MBTD1: variants seen among roughly 807,000 people sequenced by gnomAD.
MBTD1 encodes MBT domain-containing protein 1.
MBTD1 carries 24 observed loss-of-function variants against 87.8 expected under a neutral mutation model. The ratio of observed to expected loss-of-function variants is 0.27; its 90% CI spans 0.20 to 0.38. The LOEUF is 0.38. Among genes scored for constraint, MBTD1 ranks in the 10% least tolerant of loss-of-function variants. The pLI, the probability that MBTD1 is intolerant of heterozygous loss-of-function variation, is 1.00. For missense variants in MBTD1, 436 were observed against 760.2 expected (o/e 0.57, Z 5.02); for synonymous variants, 237 against 248.6 (o/e 0.95, Z 0.44).
At chr17:51,181,400 A>G (rs950205627) in intron 16 of MBTD1, among the ~76,000 whole-genome samples, 1 of 151,848 alleles carries the variant, frequency 6.6e-6, no homozygotes. Flanking sequence ...ACATTAAAAA[A>G]TTATAAATTA....
intron 7 of MBTD1, 115 bp downstream of exon 7, chr17:51,206,773 T>C: frequency 2.9e-6 from 2 of 683,228 alleles, no homozygotes; most frequent in Non-Finnish European, 2.5e-6. Context: ...CCCTGCCCTA[T>C]ATCATAACAT....
intron 2 of MBTD1, among the ~76,000 whole-genome samples, chr17:51,232,292 AC>A (rs1385946180): frequency 6.6e-6 from 1 of 152,108 alleles, no homozygotes; most frequent in African/African-American, 2.4e-5. Context: ...TAAGTCACCT[AC>A]CATTCAGGCC....
chr17:51,187,491 CA>C (rs1041554490), intron 16 of MBTD1, among the ~76,000 whole-genome samples: 1 of 150,854 alleles, frequency 6.6e-6, no homozygotes, highest in Non-Finnish European at 1.5e-5. Context: ...TTTTGCCAAC[CA>C]AAAAAAATAC....
chr17:51,222,400 G>A (rs1862496240), intron 3 of MBTD1, among the ~76,000 whole-genome samples: 1 of 150,864 alleles, frequency 6.6e-6, no homozygotes. Flanking sequence ...TAGTTTTTTT[G>A]TTTTGTTTTG....
rs2050154188 is a variant in MBTD1, at chr17:51,177,602, T to A, written c.*2974A>T. The A allele has an allele frequency of 6.6e-6, 1 of 152,154 alleles. No individual in the cohort carries two copies. Among genetic ancestry groups the A allele is most frequent in the African/African-American group, 2.4e-5 (1 of 41,444 alleles). The allele number at this position is 152,154 out of a possible 1,614,324, so 9.4% of individuals were successfully genotyped here. The stretch of plus-strand genomic sequence containing the variant: ...ATTTTTCACGCCATTATATATACAC[T>A]TCATGAGAAAGTTTCAAACACTTTC... On this transcript the variant is annotated 3_prime_UTR_variant, in exon 17 of 17. Coordinates refer to ENST00000586178, the MANE Select transcript of MBTD1 (RefSeq NM_017643.3).
intron 2 of MBTD1, among the ~76,000 whole-genome samples, chr17:51,236,772 G>A (rs1300327477): frequency 1.3e-5 from 2 of 150,650 alleles, no homozygotes; most frequent in Non-Finnish European, 1.5e-5. Context: ...ATTTAGTGGA[G>A]AAAAAAAAAA....
rs191148012 is a variant in MBTD1, at chr17:51,205,482, T to G, written c.604+1406A>C. 2.0e-5 allele frequency among the ~76,000 whole-genome samples: 3 copies of G among 152,248 alleles called. No homozygotes were observed. The East Asian group carries it at 5.8e-4, about 29-fold the overall frequency. On this transcript the variant is annotated intron_variant, in intron 7 of 16. Transcript: ENST00000586178. ...AATATGCTGTTGTTTTAAATTACAG[T>G]GTAGAGAATAATACAAGCATTTAGT...
chr17:51,233,938 T>G (rs1001250033), intron 2 of MBTD1, among the ~76,000 whole-genome samples: 1 of 149,884 alleles, frequency 6.7e-6, no homozygotes, highest in Non-Finnish European at 1.5e-5. Context: ...AAATCTATAC[T>G]CAAAGCTCCA....
intron 16 of MBTD1, chr17:51,185,786 A>G (rs147910694): frequency 5.3e-5 from 8 of 152,356 alleles, no homozygotes; most frequent in African/African-American, 1.7e-4. Flanking sequence ...ACTTGACATT[A>G]TAACTACCCT....
chr17:51,228,638 C>T (rs1210488182), intron 2 of MBTD1, among the ~76,000 whole-genome samples: 6 of 149,954 alleles, frequency 4.0e-5, no homozygotes, highest in Admixed American at 6.6e-5. Context: ...AGGCTGGGCG[C>T]GGTGGGTCAC....
At chr17:51,215,158 G>C (rs139412888) in intron 6 of MBTD1, among the ~76,000 whole-genome samples, 178 of 152,300 alleles carry the variant, frequency 1.2e-3, no homozygotes, top group African/African-American at 4.0e-3. Context: ...CCACATAATT[G>C]AGAAACAGAT....
At chr17:51,207,991 A>G (rs957929520) in intron 6 of MBTD1, among the ~76,000 whole-genome samples, 4 of 152,248 alleles carry the variant, frequency 2.6e-5, no homozygotes, top group African/African-American at 7.2e-5. Context: ...TGAACAAATC[A>G]GGAAAAACCA....
chr17:51,252,336 A>G lies in MBTD1; in HGVS notation c.-49+6807T>C, dbSNP rs1299606347. Reference sequence around the variant, plus strand: ...TAACCTTCTTTCTCCCCCCTCCCCAATACTGGTTCTGTCAGCTAGCCTCTG... The same window carrying G: ...TAACCTTCTTTCTCCCCCCTCCCCAGTACTGGTTCTGTCAGCTAGCCTCTG... On this transcript the variant is annotated intron_variant, in intron 2 of 16. Transcript: ENST00000586178. Among the ~76,000 whole-genome samples the G allele has an allele frequency of 7.2e-5, 11 of 152,062 alleles. No individual in the cohort carries two copies. In the East Asian group the frequency reaches 2.1e-3, roughly 29 times the overall value.
intron 16 of MBTD1, among the ~76,000 whole-genome samples, chr17:51,190,139 C>T (rs752466194): frequency 6.6e-5 from 10 of 152,134 alleles, no homozygotes; most frequent in Non-Finnish European, 1.5e-4. Context: ...AGAGTATATT[C>T]GATTCTTCTT....
chr17:51,258,343 G>C (rs2055214650), intron 2 of MBTD1, among the ~76,000 whole-genome samples: 1 of 152,134 alleles, frequency 6.6e-6, no homozygotes, highest in African/African-American at 2.4e-5. Context: ...CCAAATGAAG[G>C]AGAATGTTAG....
chr17:51,181,123 C>T (rs117762471), intron 16 of MBTD1, among the ~76,000 whole-genome samples: 2 of 149,998 alleles, frequency 1.3e-5, no homozygotes, highest in African/African-American at 4.9e-5. Context: ...CCGGTTCAAG[C>T]GGTTCTCCTG....
chr17:51,211,200 C>T (rs1048166155), intron 6 of MBTD1, among the ~76,000 whole-genome samples: 13 of 146,140 alleles, frequency 8.9e-5, no homozygotes, highest in East Asian at 4.0e-4. Context: ...TTTAAAACAA[C>T]GGAAAGACAG....
intron 6 of MBTD1, among the ~76,000 whole-genome samples, chr17:51,211,133 T>C (rs1029697193): frequency 1.6e-5 from 2 of 128,604 alleles, no homozygotes; most frequent in African/African-American, 5.9e-5. Flanking sequence ...CAAGACTACA[T>C]CTCATAAAAA....
intron 2 of MBTD1, among the ~76,000 whole-genome samples, chr17:51,229,021 A>AG (rs1464240532): frequency 6.6e-6 from 1 of 151,932 alleles, no homozygotes; most frequent in African/African-American, 2.4e-5. Context: ...ACAGAAAAAA[A>AG]AAAACAAGAA....
Sources: allele counts gnomAD v4.1 joint callset (sites outside exome capture counted in the v4.1 genomes callset), GRCh38; gene constraint gnomAD v4.1.1; transcripts MANE v1.5; gene names NCBI Gene and HGNC (gene_info 2026-07-23, HGNC 2026-07-21).